The following ROBO2 variants were observed in gnomAD, a reference collection of about 807,000 sequenced individuals.
ROBO2 encodes the protein roundabout guidance receptor 2, also known as roundabout homolog 2.
Under a neutral mutation model 160.8 loss-of-function variants are expected in ROBO2, and 53 were observed. The ratio of observed to expected loss-of-function variants is 0.33; its 90% CI spans 0.26 to 0.41. The LOEUF is 0.41. Ranked by LOEUF, ROBO2 falls within the 10% of genes least tolerant of loss-of-function variation. The probability of loss-of-function intolerance (pLI) is 1.00; values close to 1 mark genes in which losing one functional copy is unlikely to be tolerated. For missense variants in ROBO2, 1,577 were observed against 1,722.4 expected (o/e 0.92, Z 1.49); for synonymous variants, 664 against 611.7 (o/e 1.09, Z -1.26).
intron 2 of ROBO2, among the ~76,000 whole-genome samples, chr3:76,769,803 CA>C (rs1267878857): frequency 6.6e-6 from 1 of 151,348 alleles, no homozygotes; most frequent in Non-Finnish European, 1.5e-5. Context: ...ATTGAAGGTA[CA>C]TGTTCTTTCA....
intron 2 of ROBO2, among the ~76,000 whole-genome samples, chr3:77,437,626 G>A (rs1428557133): frequency 1.3e-5 from 2 of 151,896 alleles, no homozygotes; most frequent in Non-Finnish European, 2.9e-5. Context: ...TAAGTAAAAT[G>A]GGACTAGAAA....
At chr3:76,795,388 G>A (rs2063622456) in intron 2 of ROBO2, among the ~76,000 whole-genome samples, 1 of 152,028 alleles carries the variant, frequency 6.6e-6, no homozygotes, top group African/African-American at 2.4e-5. Context: ...AATTAGTTAA[G>A]ACTCTCAAAC....
chr3:77,322,433 T>G (rs2153432462), intron 2 of ROBO2, among the ~76,000 whole-genome samples: 1 of 152,214 alleles, frequency 6.6e-6, no homozygotes, highest in African/African-American at 2.4e-5. Flanking sequence ...GAAGTCAATT[T>G]CAAGTTGTCA....
intron 2 of ROBO2, among the ~76,000 whole-genome samples, chr3:76,285,206 A>G (rs971088609): frequency 4.6e-5 from 7 of 152,172 alleles, no homozygotes; most frequent in African/African-American, 1.7e-4. Context: ...GATAAATGCT[A>G]GACAGATGTA....
intron 2 of ROBO2, among the ~76,000 whole-genome samples, chr3:76,669,274 G>A (rs369050141): frequency 6.6e-6 from 1 of 152,192 alleles, no homozygotes; most frequent in African/African-American, 2.4e-5. Flanking sequence ...AATGCTTCTC[G>A]TAACTCTGCT....
At chr3:76,414,768 T>TA (rs1280654650) in intron 2 of ROBO2, among the ~76,000 whole-genome samples, 7 of 127,092 alleles carry the variant, frequency 5.5e-5, no homozygotes, top group South Asian at 4.5e-4. Context: ...AAGTATAATT[T>TA]AAAAAAAAAA....
chr3:76,728,325 G>A (rs1303621226), intron 2 of ROBO2, among the ~76,000 whole-genome samples: 5 of 152,062 alleles, frequency 3.3e-5, no homozygotes, highest in Non-Finnish European at 7.4e-5. Context: ...TGAAAAATAA[G>A]CAAGAGTTTG....
chr3:77,103,109 G>A (rs575321879), intron 2 of ROBO2, among the ~76,000 whole-genome samples: 1 of 152,254 alleles, frequency 6.6e-6, no homozygotes, highest in Non-Finnish European at 1.5e-5. Flanking sequence ...AGCACAGGGG[G>A]TCCTCACAGA....
intron 2 of ROBO2, among the ~76,000 whole-genome samples, chr3:76,577,794 G>A (rs968918473): frequency 5.3e-5 from 8 of 152,184 alleles, no homozygotes; most frequent in East Asian, 3.9e-4. Flanking sequence ...GATTACTGCC[G>A]TTATTAATAT....
intron 2 of ROBO2, among the ~76,000 whole-genome samples, chr3:77,136,356 A>G (rs907644434): frequency 2.0e-4 from 31 of 152,000 alleles, no homozygotes; most frequent in African/African-American, 7.5e-4. Flanking sequence ...ATACCAATGT[A>G]CTATTTTTTA....
intron 2 of ROBO2, among the ~76,000 whole-genome samples, chr3:76,634,388 T>G (rs1375017377): frequency 6.6e-6 from 1 of 152,056 alleles, no homozygotes; most frequent in African/African-American, 2.4e-5. Flanking sequence ...GCCAACATGG[T>G]GAAACCCCGT....
At chr3:77,425,778 C>A (rs1023995035) in intron 2 of ROBO2, among the ~76,000 whole-genome samples, 1 of 151,776 alleles carries the variant, frequency 6.6e-6, no homozygotes, top group African/African-American at 2.4e-5. Flanking sequence ...ATTCTCCTGC[C>A]TCAGCTTCTC....
chr3:76,622,235 G>GAAGGA (rs2089186140), intron 2 of ROBO2, among the ~76,000 whole-genome samples: 2 of 44,790 alleles, frequency 4.5e-5, no homozygotes, highest in Non-Finnish European at 8.5e-5. Flanking sequence ...AGGAAGGAAG[G>GAAGGA]AAGAAAGAAA....
intron 2 of ROBO2, among the ~76,000 whole-genome samples, chr3:75,973,775 G>A (rs1334409924): frequency 6.6e-6 from 1 of 151,578 alleles, no homozygotes; most frequent in Non-Finnish European, 1.5e-5. Context: ...TGGGTGATAC[G>A]AAGTTTTAGA....
rs149656720 is a variant in ROBO2 at position 76,660,326 on chromosome 3, G to A, written c.110-437688G>A. On this transcript the variant is annotated intron_variant, in intron 2 of 26. Transcript: ENST00000487694. ...CACAGATAGTTTGAGAGGCACTGGA[G>A]CGGTGACCCAGTCGAAGAGTATAGT... 8.1e-3 allele frequency among the ~76,000 whole-genome samples: 1,229 copies of A among 152,314 alleles called. 9 individuals carry two copies. Among genetic ancestry groups the A allele is most frequent in the African/African-American group, 0.026 (1,092 of 41,568 alleles).
intron 2 of ROBO2, among the ~76,000 whole-genome samples, chr3:76,850,053 G>A (rs530450637): frequency 1.3e-5 from 2 of 152,140 alleles, no homozygotes; most frequent in South Asian, 4.1e-4. Context: ...CAGATGTGGT[G>A]GCACAGGCCT....
intron 1 of ROBO2, among the ~76,000 whole-genome samples, chr3:77,074,084 A>G (rs1328596722): frequency 6.6e-6 from 1 of 152,238 alleles, no homozygotes; most frequent in African/African-American, 2.4e-5. Flanking sequence ...TTTTCATTAA[A>G]CAGGTGATGT....
intron 2 of ROBO2, among the ~76,000 whole-genome samples, chr3:76,593,732 T>G (rs1273760114): frequency 6.6e-6 from 1 of 152,060 alleles, no homozygotes; most frequent in African/African-American, 2.4e-5. Flanking sequence ...ATTAGAGAAT[T>G]TAAAAGCAGA....
At chr3:76,560,545 T>G (rs1223251780) in intron 2 of ROBO2, among the ~76,000 whole-genome samples, 3 of 151,478 alleles carry the variant, frequency 2.0e-5, no homozygotes. Context: ...TATTATTTAT[T>G]ATTATCATCA....
Sources: allele counts gnomAD v4.1 joint callset (sites outside exome capture counted in the v4.1 genomes callset), GRCh38; gene constraint gnomAD v4.1.1; transcripts MANE v1.5; gene names NCBI Gene and HGNC (gene_info 2026-07-23, HGNC 2026-07-21).